The following ERG variants were observed in gnomAD, a reference collection of about 807,000 sequenced individuals.
ERG encodes ETS transcription factor ERG, also known as transcriptional regulator ERG.
ERG carries 9 observed loss-of-function variants against 55.3 expected under a neutral mutation model. That is an observed-to-expected ratio of 0.16 (90% CI 0.10 to 0.28). The LOEUF is 0.28. Among genes scored for constraint, ERG ranks in the 10% least tolerant of loss-of-function variants. ERG has a pLI of 1.00. For missense variants in ERG, 434 were observed against 631.6 expected (o/e 0.69, Z 3.35); for synonymous variants, 223 against 237.3 (o/e 0.94, Z 0.55).
At chr21:38,458,272 A>G (rs1046177836) in intron 1 of ERG, among the ~76,000 whole-genome samples, 8 of 152,070 alleles carry the variant, frequency 5.3e-5, no homozygotes, top group African/African-American at 1.9e-4. Flanking sequence ...AAAAATACAA[A>G]TATTAGCCAG....
At chr21:38,376,680 A>C (rs1987251456), downstream of ERG, among the ~76,000 whole-genome samples, 1 of 152,264 alleles carries the variant, frequency 6.6e-6, no homozygotes. Context: ...GACCCTAAGC[A>C]TCAGAGCGGA....
chr21:38,455,513 A>T (rs1182741455), intron 1 of ERG, among the ~76,000 whole-genome samples: 1 of 152,118 alleles, frequency 6.6e-6, no homozygotes, highest in Non-Finnish European at 1.5e-5. Flanking sequence ...TCCGTGAAAA[A>T]TCGGCAGTTT....
At chr21:38,386,236 G>T (rs1367086203) in intron 9 of ERG, among the ~76,000 whole-genome samples, 3 of 152,188 alleles carry the variant, frequency 2.0e-5, no homozygotes, top group Admixed American at 2.0e-4. Flanking sequence ...TAGGGCTCAG[G>T]ACTGTGAGAA....
At chr21:38,534,324 G>A (rs2059694019) in intron 2 of ERG, among the ~76,000 whole-genome samples, 1 of 152,046 alleles carries the variant, frequency 6.6e-6, no homozygotes, top group Admixed American at 6.6e-5. Context: ...AGAGAAAGTT[G>A]TTTTGAATGT....
intron 1 of ERG, among the ~76,000 whole-genome samples, chr21:38,653,235 T>C (rs574504230): frequency 2.2e-4 from 34 of 152,322 alleles, no homozygotes; most frequent in Non-Finnish European, 4.1e-4. Context: ...CATAGTGTCT[T>C]GCATGAAGTC....
intron 1 of ERG, among the ~76,000 whole-genome samples, chr21:38,452,574 G>T (rs2058951922): frequency 6.6e-6 from 1 of 152,208 alleles, no homozygotes; most frequent in African/African-American, 2.4e-5. Flanking sequence ...AGGACTTTCA[G>T]ATATTCTTTA....
intron 3 of ERG, among the ~76,000 whole-genome samples, chr21:38,407,474 T>C (rs1988823590): frequency 1.3e-5 from 2 of 151,794 alleles, no homozygotes; most frequent in Admixed American, 1.3e-4. Flanking sequence ...ACGTGAACTG[T>C]TGTCACTGAG....
At chr21:38,606,944 A>G (rs60509736) in intron 1 of ERG, among the ~76,000 whole-genome samples, 10,839 of 152,092 alleles carry the variant, frequency 0.071, 677 homozygotes, top group African/African-American at 0.17. Context: ...TTTTTTTTTA[A>G]AAAAGGAGTC....
intron 2 of ERG, among the ~76,000 whole-genome samples, chr21:38,431,389 T>TGG (rs1990202836): frequency 3.3e-5 from 5 of 152,320 alleles, no homozygotes; most frequent in African/African-American, 1.2e-4. Flanking sequence ...AACTCCAGAG[T>TGG]TCTATTTATA....
chr21:38,604,438 G>A (rs766182371), intron 1 of ERG, among the ~76,000 whole-genome samples: 1 of 152,052 alleles, frequency 6.6e-6, no homozygotes, highest in Non-Finnish European at 1.5e-5. Flanking sequence ...AATGTAAAAT[G>A]AAGATAGTTA....
downstream of ERG, among the ~76,000 whole-genome samples, chr21:38,376,509 G>A (rs117869894): frequency 9.0e-3 from 1,377 of 152,332 alleles, 14 homozygotes; most frequent in South Asian, 0.023. Context: ...GGAAGTGCTG[G>A]TCTGCCCACT....
chr21:38,656,478 G>A (rs1454556980), intron 1 of ERG, among the ~76,000 whole-genome samples: 2 of 152,176 alleles, frequency 1.3e-5, no homozygotes, highest in Non-Finnish European at 2.9e-5. Context: ...TTCTGACGGT[G>A]CACAAGCTAA....
chr21:38,596,138 C>T (rs1490473137), intron 1 of ERG, among the ~76,000 whole-genome samples: 1 of 151,972 alleles, frequency 6.6e-6, no homozygotes, highest in African/African-American at 2.4e-5. Flanking sequence ...CCCAGTTAAC[C>T]CAGCAAGGCT....
intron 2 of ERG, among the ~76,000 whole-genome samples, chr21:38,530,613 A>G (rs1199498024): frequency 6.6e-6 from 1 of 152,132 alleles, no homozygotes; most frequent in Non-Finnish European, 1.5e-5. Context: ...AAGTATAATA[A>G]CTGTAAATCC....
At chr21:38,566,646 G>A (rs2059924889) in intron 2 of ERG, among the ~76,000 whole-genome samples, 1 of 152,216 alleles carries the variant, frequency 6.6e-6, no homozygotes, top group African/African-American at 2.4e-5. Flanking sequence ...TAAACCCTTA[G>A]AGGTGTGACT....
chr21:38,396,573 T>C (rs1272313291), intron 6 of ERG, among the ~76,000 whole-genome samples: 1 of 152,208 alleles, frequency 6.6e-6, no homozygotes, highest in African/African-American at 2.4e-5. Context: ...TCTCTTTTGA[T>C]AACACCCCAG....
In ERG at chr21:38,380,146, C is replaced by A; in HGVS notation, c.*3257G>T. On this transcript the variant is annotated 3_prime_UTR_variant, in exon 10 of 10. Coordinates refer to ENST00000288319, the MANE Select transcript of ERG (RefSeq NM_182918.4). ...CTAGCTTTTTAAAAAATATTTTCTT[C>A]TCTTTCTCCAGGCAATGGGTCACTT... 9.6e-7 allele frequency: 1 copy of A among 1,039,628 alleles called. No individual in the cohort carries two copies. Among genetic ancestry groups the A allele is most frequent in the Non-Finnish European group, 1.2e-6 (1 of 863,124 alleles). 64.4% of individuals were successfully genotyped at this position (1,039,628 alleles called of 1,614,324 possible).
At chr21:38,604,790 T>G (rs1322079241) in intron 1 of ERG, among the ~76,000 whole-genome samples, 2 of 152,272 alleles carry the variant, frequency 1.3e-5, no homozygotes, top group Non-Finnish European at 2.9e-5. Context: ...CGTTCTCTGA[T>G]AATGTCAGCT....
At chr21:38,379,800 A>T (rs994060163), downstream of ERG, among the ~76,000 whole-genome samples, 2 of 152,294 alleles carry the variant, frequency 1.3e-5, no homozygotes, top group African/African-American at 4.8e-5. Flanking sequence ...TGGCGTGATC[A>T]CAGCTCACTG....
Sources: gnomAD v4.1 joint callset for allele counts (sites outside exome capture counted in the v4.1 genomes callset) on GRCh38, gnomAD v4.1.1 for gene constraint, MANE v1.5 for transcripts, NCBI Gene and HGNC (gene_info 2026-07-23, HGNC 2026-07-21) for gene names.